NPAS3: variants seen among roughly 807,000 people sequenced by gnomAD.
The protein encoded by NPAS3 is neuronal PAS domain-containing protein 3.
Under a neutral mutation model 73.1 loss-of-function variants are expected in NPAS3, and 14 were observed. That is an observed-to-expected ratio of 0.19 (90% CI 0.13 to 0.30). The LOEUF (loss-of-function observed/expected upper bound fraction) is 0.30, where lower values mean the gene tolerates loss of function less well. Ranked by LOEUF, NPAS3 falls within the 10% of genes least tolerant of loss-of-function variation. The pLI is 1.00. For missense variants in NPAS3, 1,096 were observed against 1,250.0 expected, an observed-to-expected ratio of 0.88 and a Z score of 1.86; for synonymous variants, 620 against 541.5, an observed-to-expected ratio of 1.14 and a Z score of -2.01.
chr14:33,136,316 C>A (rs2043837080), intron 2 of NPAS3, among the ~76,000 whole-genome samples: 1 of 151,834 alleles, frequency 6.6e-6, no homozygotes, highest in Admixed American at 6.6e-5. Context: ...ACCTTAGCCT[C>A]CCAAAGTGCT....
chr14:33,792,576 C>A (rs1466463421), intron 9 of NPAS3, among the ~76,000 whole-genome samples: 9 of 111,096 alleles, frequency 8.1e-5, no homozygotes, highest in Non-Finnish European at 7.3e-5. Flanking sequence ...CCATCCACCC[C>A]CCTCCAAAAA....
intron 3 of NPAS3, among the ~76,000 whole-genome samples, chr14:33,276,764 A>G (rs1029315843): frequency 9.2e-5 from 14 of 152,092 alleles, no homozygotes; most frequent in African/African-American, 3.4e-4. Context: ...AGAAATTATG[A>G]TTATTTTCTC....
intron 4 of NPAS3, among the ~76,000 whole-genome samples, chr14:33,559,426 A>T (rs1359998546): frequency 2.0e-5 from 3 of 152,202 alleles, no homozygotes; most frequent in Admixed American, 2.0e-4. Flanking sequence ...TGATATAGGA[A>T]GCCTTTTTTT....
Position 33,392,631 on chromosome 14 carries a change from A to C in NPAS3, c.468+25363A>C, listed in dbSNP as rs558859371. ...CATCATTCTTTTGTGTTCAGTTATG[A>C]CTATTTCCATATTTCCAAAAGAAGT... On this transcript the variant is annotated intron_variant, in intron 4 of 11. Coordinates refer to ENST00000356141, the Ensembl canonical transcript of NPAS3. Among the ~76,000 whole-genome samples the C allele has an allele frequency of 9.1e-4, 139 of 152,278 alleles. 1 individual carries two copies. The highest frequency in any genetic ancestry group is 1.6e-3 in the Admixed American group (25 of 15,278).
rs143625411 is a variant in NPAS3 at position 33,381,585 on chromosome 14, A to G, written c.468+14317A>G. ...AGTAAAGGGATTTGCTTAAGGTCCC[A>G]TGGCTATTAGTAACTAGCTAGCACA... is the stretch of plus-strand genomic sequence containing the variant. On this transcript the variant is annotated intron_variant, in intron 4 of 11. Transcript: ENST00000356141. 7.2e-3 allele frequency among the ~76,000 whole-genome samples: 1,099 copies of G among 152,302 alleles called. 12 individuals are homozygous for G. The highest frequency in any genetic ancestry group is 0.024 in the African/African-American group (1,010 of 41,574).
intron 4 of NPAS3, among the ~76,000 whole-genome samples, chr14:33,458,761 G>C (rs1186242141): frequency 8.5e-5 from 13 of 152,234 alleles, no homozygotes; most frequent in Middle Eastern, 6.8e-3. Flanking sequence ...CAGTAATTAA[G>C]TAACCAAAAG....
intron 3 of NPAS3, among the ~76,000 whole-genome samples, chr14:33,292,067 G>A (rs970235989): frequency 1.3e-5 from 2 of 152,314 alleles, no homozygotes; most frequent in South Asian, 4.1e-4. Context: ...CTTGCCTCAT[G>A]TAGTATAATA....
At chr14:33,322,432 T>C (rs909908271) in intron 3 of NPAS3, among the ~76,000 whole-genome samples, 5 of 152,092 alleles carry the variant, frequency 3.3e-5, no homozygotes, top group African/African-American at 1.2e-4. Context: ...GCAATTACGT[T>C]TTTGCTAATT....
intron 4 of NPAS3, among the ~76,000 whole-genome samples, chr14:33,437,032 A>G (rs978855573): frequency 2.0e-5 from 3 of 152,220 alleles, no homozygotes; most frequent in Non-Finnish European, 4.4e-5. Flanking sequence ...ATCCAATGAG[A>G]AGTAAAAACA....
chr14:33,247,110 C>A (rs1257867291), intron 3 of NPAS3, among the ~76,000 whole-genome samples: 2 of 152,020 alleles, frequency 1.3e-5, no homozygotes, highest in Non-Finnish European at 2.9e-5. Flanking sequence ...TGCAAACTTC[C>A]TTACATTCTA....
intron 4 of NPAS3, among the ~76,000 whole-genome samples, chr14:33,427,529 G>A (rs1302460135): frequency 4.0e-5 from 6 of 151,506 alleles, no homozygotes; most frequent in East Asian, 3.9e-4. Context: ...CACCCTCTCC[G>A]TGAATGGGAC....
At chr14:33,559,407 A>G (rs1329873614) in intron 4 of NPAS3, among the ~76,000 whole-genome samples, 2 of 152,168 alleles carry the variant, frequency 1.3e-5, no homozygotes, top group African/African-American at 4.8e-5. Flanking sequence ...TAGTGATTTT[A>G]CTTGCTCTTG....
intron 4 of NPAS3, among the ~76,000 whole-genome samples, chr14:33,372,168 T>C (rs2046118725): frequency 1.3e-5 from 2 of 152,190 alleles, no homozygotes; most frequent in Admixed American, 1.3e-4. Flanking sequence ...AGAAAATGCC[T>C]GTGACTTCAC....
At chr14:33,118,068 A>G (rs1206451738) in intron 2 of NPAS3, among the ~76,000 whole-genome samples, 1 of 152,070 alleles carries the variant, frequency 6.6e-6, no homozygotes, top group East Asian at 1.9e-4. Flanking sequence ...GCATATTTCC[A>G]GTCTATTTCC....
intron 1 of NPAS3, among the ~76,000 whole-genome samples, chr14:32,958,126 A>G (rs959170428): frequency 1.3e-5 from 2 of 152,120 alleles, no homozygotes; most frequent in Non-Finnish European, 2.9e-5. Flanking sequence ...ATTGCCACCT[A>G]AAGATTTATT....
intron 5 of NPAS3, among the ~76,000 whole-genome samples, chr14:33,650,125 C>T (rs2058948174): frequency 6.6e-6 from 1 of 152,138 alleles, no homozygotes; most frequent in South Asian, 2.1e-4. Flanking sequence ...TTTGTACAGA[C>T]ACAGGCAATA....
intron 2 of NPAS3, among the ~76,000 whole-genome samples, chr14:33,068,873 G>A (rs889287141): frequency 2.6e-5 from 4 of 152,172 alleles, no homozygotes; most frequent in African/African-American, 9.7e-5. Context: ...GGAGGCCAGT[G>A]TGGTGGGGGC....
At chr14:33,235,255 T>A (rs1594468348) in intron 3 of NPAS3, among the ~76,000 whole-genome samples, 1 of 152,142 alleles carries the variant, frequency 6.6e-6, no homozygotes, top group East Asian at 1.9e-4. Flanking sequence ...TCTTTTTTTG[T>A]CCTTTGTTTG....
intron 3 of NPAS3, among the ~76,000 whole-genome samples, chr14:33,308,541 C>CACACACAT: frequency 8.7e-6 from 1 of 114,650 alleles, no homozygotes; most frequent in Non-Finnish European, 1.7e-5. Context: ...TACACACACA[C>CACACACAT]ACACACACAC....
Sources: gnomAD v4.1 joint callset for allele counts (sites outside exome capture counted in the v4.1 genomes callset) on GRCh38, gnomAD v4.1.1 for gene constraint, MANE v1.5 for transcripts, NCBI Gene and HGNC (gene_info 2026-07-23, HGNC 2026-07-21) for gene names.